Variants in DYRK4 observed in about 807,000 individuals in gnomAD.
DYRK4 encodes dual specificity tyrosine-phosphorylation-regulated kinase 4.
DYRK4 carries 64 observed loss-of-function variants against 68.3 expected under a neutral mutation model. The ratio of observed to expected loss-of-function variants is 0.94; its 90% CI spans 0.77 to 1.15. The LOEUF (loss-of-function observed/expected upper bound fraction) is 1.15, where lower values mean the gene tolerates loss of function less well. Ranked by LOEUF, DYRK4 falls within the 50% of genes most tolerant of loss-of-function variation. The probability of loss-of-function intolerance (pLI) is 0.00; values close to 1 mark genes in which losing one functional copy is unlikely to be tolerated. For missense variants in DYRK4, 740 were observed against 764.7 expected, an observed-to-expected ratio of 0.97 and a Z score of 0.38; for synonymous variants, 274 against 289.9, an observed-to-expected ratio of 0.95 and a Z score of 0.56.
At chr12:4,588,505 G>A (rs1276704546) in intron 2 of DYRK4, among the ~76,000 whole-genome samples, 1 of 152,192 alleles carries the variant, frequency 6.6e-6, no homozygotes, top group Non-Finnish European at 1.5e-5. Context: ...CAGGCTGGGT[G>A]CCTGTGTTCC....
chr12:4,604,095 G>A (rs1263459089), intron 10 of DYRK4, among the ~76,000 whole-genome samples: 1 of 152,184 alleles, frequency 6.6e-6, no homozygotes, highest in African/African-American at 2.4e-5. Context: ...CAGAATTAAT[G>A]TAAGGGTTGA....
rs112353066 is a variant in DYRK4, at chr12:4,607,324, A to G, written c.1300-3A>G. 2 of 1,614,196 alleles carry G rather than the reference A, an allele frequency of 1.2e-6. No homozygotes were observed. The highest frequency in any genetic ancestry group is 2.2e-5 in the East Asian group (1 of 44,882). On this transcript the variant is annotated splice_polypyrimidine_tract_variant and splice_region_variant and intron_variant, in intron 11 of 14. Transcript: ENST00000543431. The stretch of plus-strand genomic sequence containing the variant: ...ATGAACCAATTGAATTATCCTTATT[A>G]AGGTGCTGGGTCTGCCGCCAGCCGG...
Position 4,605,192 on chromosome 12 carries a change from T to C in DYRK4, c.1299+106T>C, listed in dbSNP as rs1444776214. On this transcript the variant is annotated intron_variant, in intron 11 of 14. Transcript: ENST00000543431. ...GGACCATGGCCTGCATACCTTGTTG[T>C]TGTTGTTGTTGTTGAGTATTCCCTA... The C allele has an allele frequency of 9.4e-6, 9 of 958,436 alleles. 1 individual carries two copies. Among genetic ancestry groups the C allele is most frequent in the Middle Eastern group, 3.2e-4 (1 of 3,134 alleles). The allele number at this position is 958,436 out of a possible 1,614,324, so 59.4% of individuals were successfully genotyped here.
intron 2 of DYRK4, among the ~76,000 whole-genome samples, chr12:4,574,069 CA>C (rs776119096): frequency 6.6e-6 from 1 of 151,800 alleles, no homozygotes; most frequent in Admixed American, 6.6e-5. Flanking sequence ...ACTAAAAATA[CA>C]AAAAATTAGC....
intron 11 of DYRK4, among the ~76,000 whole-genome samples, 196 bp downstream of exon 11, chr12:4,605,282 A>G (rs1945131179): frequency 6.6e-6 from 1 of 152,228 alleles, no homozygotes. Flanking sequence ...TTTTATCATA[A>G]ATTTAAATAG....
intron 1 of DYRK4, among the ~76,000 whole-genome samples, chr12:4,565,997 G>T (rs184475120): frequency 6.6e-6 from 1 of 152,242 alleles, no homozygotes; most frequent in East Asian, 1.9e-4. Context: ...ACAGAGTCTT[G>T]GCAGGAAAAA....
In DYRK4 at chr12:4,596,670, G is replaced by T; in HGVS notation, c.846G>T (p.Val282=). 2 of 1,614,210 alleles carry T rather than the reference G, an allele frequency of 1.2e-6. No homozygotes were observed. The highest frequency in any genetic ancestry group is 1.7e-6 in the Non-Finnish European group (2 of 1,180,044). The change falls in exon 8 of 15, where the codon GTG becomes GTT. Residue 282 remains valine, a synonymous_variant. Coordinates refer to ENST00000543431, the MANE Select transcript of DYRK4 (RefSeq NM_001394779.1). ...KKDKDNTYNV[V]HMKDFFYFRN... ...ACAAAGACAACACCTACAATGTGGT[G>T]CATATGAAGGACTTTTTCTACTTTC...
At chr12:4,593,239 CG>C in intron 6 of DYRK4, 74 bp downstream of exon 6, 1 of 1,534,408 alleles carries the variant, frequency 6.5e-7, no homozygotes, top group Non-Finnish European at 8.8e-7. Flanking sequence ...AAAAAAGCAA[CG>C]GTATTTTGTA....
In DYRK4 at chr12:4,581,646, G is replaced by A. The variant is rs191514713; in HGVS notation, c.133-7291G>A. Among the ~76,000 whole-genome samples, 240 of 152,280 alleles carry A rather than the reference G, an allele frequency of 1.6e-3. 1 individual carries two copies. The highest frequency in any genetic ancestry group is 5.4e-3 in the African/African-American group (225 of 41,562). ...AGGATGGACTGACCACCAGGAGAGGGAAGGACTGAAGTCAAAGCTCAGTTG... is the reference window on the plus strand; with the variant it reads ...AGGATGGACTGACCACCAGGAGAGGAAAGGACTGAAGTCAAAGCTCAGTTG... On this transcript the variant is annotated intron_variant, in intron 2 of 14. Coordinates refer to ENST00000543431, the MANE Select transcript of DYRK4 (RefSeq NM_001394779.1).
chr12:4,574,497 A>G (rs1944766668), intron 2 of DYRK4, among the ~76,000 whole-genome samples: 1 of 152,212 alleles, frequency 6.6e-6, no homozygotes, highest in African/African-American at 2.4e-5. Context: ...GTACATTGGT[A>G]TAACATTTGG....
chr12:4,602,887 A>T, intron 10 of DYRK4: 1 of 1,013,282 alleles, frequency 9.9e-7, no homozygotes, highest in Non-Finnish European at 1.5e-6. Flanking sequence ...TATTTCTTTC[A>T]TTTTCAAAAT....
Position 4,579,143 on chromosome 12 carries a change from C to T in DYRK4, c.133-9794C>T, listed in dbSNP as rs138432870. 1.7e-3 allele frequency among the ~76,000 whole-genome samples: 254 copies of T among 152,044 alleles called. 2 individuals are homozygous for T. The highest frequency in any genetic ancestry group is 3.2e-3 in the Non-Finnish European group (216 of 67,990). Reference sequence around the variant, plus strand: ...TACAAAAATTAGCTGAGCGTGGTGGCGTGCCCTGTAGTCCCAGCTACTTGA... The same window carrying T: ...TACAAAAATTAGCTGAGCGTGGTGGTGTGCCCTGTAGTCCCAGCTACTTGA... On this transcript the variant is annotated intron_variant, in intron 2 of 14. Transcript: ENST00000543431.
intron 2 of DYRK4, among the ~76,000 whole-genome samples, chr12:4,575,364 A>G (rs1360918166): frequency 7.1e-6 from 1 of 141,478 alleles, no homozygotes; most frequent in Non-Finnish European, 1.5e-5. Context: ...GCTGGAGTGC[A>G]GTGGTGCGAT....
intron 9 of DYRK4, among the ~76,000 whole-genome samples, 166 bp downstream of exon 9, chr12:4,599,332 T>A (rs1945055077): frequency 6.6e-6 from 1 of 150,512 alleles, no homozygotes; most frequent in Admixed American, 6.7e-5. Flanking sequence ...GGGAGGGCAT[T>A]TCGTGGGAAT....
chr12:4,590,712 C>A, intron 4 of DYRK4: 1 of 552,378 alleles, frequency 1.8e-6, no homozygotes, highest in Non-Finnish European at 2.7e-6. Context: ...TGGAACCATA[C>A]AAAATATTAG....
intron 2 of DYRK4, among the ~76,000 whole-genome samples, chr12:4,577,238 C>G (rs537406897): frequency 2.1e-4 from 32 of 152,172 alleles, no homozygotes; most frequent in African/African-American, 7.2e-4. Flanking sequence ...TGTGCCAGCA[C>G]TGTTTTTGTT....
chr12:4,603,378 A>G (rs1267935825), intron 10 of DYRK4: 3 of 466,956 alleles, frequency 6.4e-6, no homozygotes, highest in Non-Finnish European at 1.2e-5. Context: ...TCATCTTTGT[A>G]TTCTTCACTT....
In DYRK4 at chr12:4,569,152, A is replaced by G. The variant is rs144352949; in HGVS notation, c.132+1104A>G. Among the ~76,000 whole-genome samples the G allele has an allele frequency of 1.9e-3, 289 of 152,318 alleles. 1 individual carries two copies. The highest frequency in any genetic ancestry group is 3.4e-3 in the Middle Eastern group (1 of 294). ...TTATAACTCATACAAATGGACCCTA[A>G]TACAAAGTCCTTTGCTCCACCCCAC... On this transcript the variant is annotated intron_variant, in intron 2 of 14. Transcript: ENST00000543431.
At chr12:4,587,419 C>A (rs764205388) in intron 2 of DYRK4, among the ~76,000 whole-genome samples, 8 of 152,046 alleles carry the variant, frequency 5.3e-5, no homozygotes, top group Non-Finnish European at 1.2e-4. Flanking sequence ...CTGTTCATGC[C>A]CTTTGTTTCG....
Sources: allele counts gnomAD v4.1 joint callset (sites outside exome capture counted in the v4.1 genomes callset), GRCh38; gene constraint gnomAD v4.1.1; transcripts MANE v1.5; gene names NCBI Gene and HGNC (gene_info 2026-07-23, HGNC 2026-07-21).